The following DPP10 variants were observed in gnomAD, a reference collection of about 807,000 sequenced individuals.
DPP10 encodes inactive dipeptidyl peptidase 10.
In DPP10, 33 loss-of-function variants were observed where a neutral mutation model predicts 120.9. That is an observed-to-expected ratio of 0.27 (90% CI 0.21 to 0.37). The LOEUF is 0.37. Among genes scored for constraint, DPP10 ranks in the 10% least tolerant of loss-of-function variants. DPP10 has a pLI of 1.00. For synonymous variants in DPP10, 337 were observed against 326.1 expected (o/e 1.03, Z -0.36); for missense variants, 816 against 942.8 (o/e 0.87, Z 1.76).
At chr2:115,560,247 T>C (rs1227341505) in intron 5 of DPP10, among the ~76,000 whole-genome samples, 1 of 148,614 alleles carries the variant, frequency 6.7e-6, no homozygotes, top group Non-Finnish European at 1.5e-5. Flanking sequence ...GGCTGGTGCC[T>C]GTAGTCCCAG....
At chr2:115,207,565 TGTATCACA>T (rs1387998132) in intron 1 of DPP10, among the ~76,000 whole-genome samples, 1 of 152,150 alleles carries the variant, frequency 6.6e-6, no homozygotes, top group African/African-American at 2.4e-5. Flanking sequence ...AGAAGTTAGT[TGTATCACA>T]CGTAGATGGG....
At chr2:115,837,425 A>C (rs890856078) in intron 24 of DPP10, among the ~76,000 whole-genome samples, 1 of 152,204 alleles carries the variant, frequency 6.6e-6, no homozygotes, top group African/African-American at 2.4e-5. Flanking sequence ...TCATTCATGG[A>C]TGAGAAAAAT....
At chr2:115,334,230 G>GTTTTGTT (rs1553554646) in intron 2 of DPP10, among the ~76,000 whole-genome samples, 1 of 56,412 alleles carries the variant, frequency 1.8e-5, no homozygotes, top group African/African-American at 4.9e-5. Context: ...AGCAGACTCT[G>GTTTTGTT]TTTTTTTTTT....
intron 3 of DPP10, among the ~76,000 whole-genome samples, chr2:115,433,848 A>C (rs1342038738): frequency 1.3e-5 from 2 of 152,028 alleles, no homozygotes; most frequent in South Asian, 4.1e-4. Context: ...TTCATTCTTC[A>C]TGTGTCAATC....
At chr2:114,681,092 G>A (rs1397404259) in intron 1 of DPP10, among the ~76,000 whole-genome samples, 1 of 151,828 alleles carries the variant, frequency 6.6e-6, no homozygotes. Context: ...AACTATTCCA[G>A]TTCTACCCCT....
chr2:114,562,798 T>C (rs1573660955), intron 1 of DPP10, among the ~76,000 whole-genome samples: 1 of 152,364 alleles, frequency 6.6e-6, no homozygotes, highest in Non-Finnish European at 1.5e-5. Context: ...TATGACATCA[T>C]GTGCTTAAGT....
At chr2:115,358,934 C>T (rs960825040) in intron 3 of DPP10, among the ~76,000 whole-genome samples, 1 of 152,080 alleles carries the variant, frequency 6.6e-6, no homozygotes, top group Admixed American at 6.6e-5. Context: ...ATGTAACCAC[C>T]CCCATGATTC....
chr2:115,665,097 T>C (rs1161806871), intron 5 of DPP10, among the ~76,000 whole-genome samples: 1 of 152,194 alleles, frequency 6.6e-6, no homozygotes, highest in Non-Finnish European at 1.5e-5. Flanking sequence ...CCTGGCATCT[T>C]GCTTGAAATA....
intron 20 of DPP10, 127 bp from the exon 21 acceptor site, chr2:115,815,548 C>A: frequency 2.6e-6 from 2 of 774,214 alleles, no homozygotes; most frequent in Non-Finnish European, 3.8e-6. Flanking sequence ...AATACATGAA[C>A]AGAGCTACAG....
intron 5 of DPP10, among the ~76,000 whole-genome samples, chr2:115,643,174 T>C (rs1453433215): frequency 6.6e-6 from 1 of 152,018 alleles, no homozygotes; most frequent in Non-Finnish European, 1.5e-5. Flanking sequence ...ACAGCATTAA[T>C]ATTCAGTGAA....
intron 7 of DPP10, among the ~76,000 whole-genome samples, chr2:115,697,931 G>A (rs1229794587): frequency 6.6e-6 from 1 of 152,124 alleles, no homozygotes; most frequent in Non-Finnish European, 1.5e-5. Context: ...GCAGTGAGCC[G>A]AGATGTGCCA....
At chr2:115,377,734 G>A (rs915136493) in intron 3 of DPP10, among the ~76,000 whole-genome samples, 600 of 152,032 alleles carry the variant, frequency 3.9e-3, no homozygotes, top group African/African-American at 0.013. Context: ...TTTGTATAAG[G>A]TGTAAGGAAG....
intron 1 of DPP10, among the ~76,000 whole-genome samples, chr2:114,634,723 T>G (rs777313266): frequency 5.3e-5 from 8 of 151,952 alleles, no homozygotes; most frequent in Non-Finnish European, 1.0e-4. Flanking sequence ...CAAATTAAGT[T>G]GTAGATTGTC....
chr2:114,576,082 A>T (rs921770097), intron 1 of DPP10, among the ~76,000 whole-genome samples: 1 of 152,212 alleles, frequency 6.6e-6, no homozygotes, highest in African/African-American at 2.4e-5. Flanking sequence ...ACTGCTGGTT[A>T]CCCCCAATGT....
intron 1 of DPP10, among the ~76,000 whole-genome samples, chr2:115,000,185 T>A (rs1216545049): frequency 6.6e-6 from 1 of 152,082 alleles, no homozygotes; most frequent in Non-Finnish European, 1.5e-5. Flanking sequence ...TGGGCCCTCA[T>A]TTTAATTAGA....
rs2066617219 is a variant in DPP10 at position 115,383,712 on chromosome 2, T to A, written c.271+39800T>A. 2.0e-5 allele frequency among the ~76,000 whole-genome samples: 3 copies of A among 152,268 alleles called. No individual in the cohort carries two copies. The South Asian group carries it at 6.2e-4, about 32-fold the overall frequency. On this transcript the variant is annotated intron_variant, in intron 3 of 25. Coordinates refer to ENST00000410059, the MANE Select transcript of DPP10 (RefSeq NM_020868.6). ...ATTTAATAATTTGATTTATAATGTG[T>A]TTCTTATGCATTTAAATATATTTAA...
chr2:115,467,899 GT>G (rs2105139556), intron 3 of DPP10, among the ~76,000 whole-genome samples: 1 of 152,230 alleles, frequency 6.6e-6, no homozygotes, highest in African/African-American at 2.4e-5. Flanking sequence ...CTATGCAACA[GT>G]TTTGCTAAAT....
intron 1 of DPP10, chr2:115,161,282 A>T (rs1302960871): frequency 1.3e-5 from 2 of 152,218 alleles, no homozygotes; most frequent in African/African-American, 4.8e-5. Context: ...GGGCTCCGGG[A>T]CCCCGGTCCC....
Position 114,566,378 on chromosome 2 carries a change from G to T in DPP10, c.60+123540G>T. ...ATTTAAAAAAATAAATTTGTATGTA[G>T]AAATAATTTTATATGTGCAAGAAAG... On this transcript the variant is annotated intron_variant, in intron 1 of 25. Transcript: ENST00000410059. Among the ~76,000 whole-genome samples, 2 of 152,182 alleles carry T rather than the reference G, an allele frequency of 1.3e-5. 1 individual carries two copies. Among genetic ancestry groups the T allele is most frequent in the Middle Eastern group, 6.3e-3 (2 of 316 alleles).
Sources: gnomAD v4.1 joint callset for allele counts (sites outside exome capture counted in the v4.1 genomes callset) on GRCh38, gnomAD v4.1.1 for gene constraint, MANE v1.5 for transcripts, NCBI Gene and HGNC (gene_info 2026-07-23, HGNC 2026-07-21) for gene names.